The following ZNF331 variants were observed in gnomAD, a reference collection of about 807,000 sequenced individuals.
ZNF331 encodes zinc finger protein 331, also known as C2H2-like zinc finger protein rearranged in thyroid adenomas.
In ZNF331, 2 loss-of-function variants were observed where a neutral mutation model predicts 7.0. That is an observed-to-expected ratio of 0.29 (90% CI 0.12 to 0.90). The LOEUF (loss-of-function observed/expected upper bound fraction) is 0.90. Among genes scored for constraint, ZNF331 ranks in the 40% least tolerant of loss-of-function variants. ZNF331 has a pLI of 0.58. For synonymous variants in ZNF331, 196 were observed against 205.4 expected, an observed-to-expected ratio of 0.95 and a Z score of 0.39; for missense variants, 432 against 587.7, an observed-to-expected ratio of 0.74 and a Z score of 2.74.
At chr19:53,516,574 A>G (rs190582625), upstream of ZNF331, among the ~76,000 whole-genome samples, 1,925 of 152,284 alleles carry the variant, frequency 0.013, 18 homozygotes, top group Non-Finnish European at 0.019. Flanking sequence ...TTGTTCAGAG[A>G]ATGAAAAGAT....
the ZNF331 span, among the ~76,000 whole-genome samples, chr19:53,506,590 G>T: frequency 2.0e-5 from 3 of 151,266 alleles, no homozygotes; most frequent in Non-Finnish European, 4.4e-5. Flanking sequence ...CCATGCCATT[G>T]TATAGTGTAT....
Position 53,571,845 on chromosome 19 carries a change from G to A in ZNF331, c.136+115G>A. 1 of 1,387,624 alleles carries A rather than the reference G, an allele frequency of 7.2e-7. No homozygotes were observed. The highest frequency in any genetic ancestry group is 9.7e-7 in the Non-Finnish European group (1 of 1,027,224). 86.0% of individuals were successfully genotyped at this position (1,387,624 alleles called of 1,614,324 possible). ...TGAATTTCTTCTTCCTGTCCCCAAG[G>A]AATGTATTGAGCCTTATTGATGTGG... On this transcript the variant is annotated intron_variant, in intron 5 of 5. Transcript: ENST00000449416. This position sits in a 1 kb window ranked among gnomAD's most constrained non-coding sequence, Gnocchi z 4.7.
At chr19:53,534,666 CAT>C (rs1463550784), upstream of ZNF331, among the ~76,000 whole-genome samples, 5 of 152,282 alleles carry the variant, frequency 3.3e-5, no homozygotes, top group African/African-American at 9.6e-5. Context: ...TCTGTCATCA[CAT>C]GTTTCTCTTC....
At chr19:53,505,887 G>A in the ZNF331 span, among the ~76,000 whole-genome samples, 3,271 of 151,370 alleles carry the variant, frequency 0.022, 117 homozygotes, top group African/African-American at 0.076. Context: ...CGGGTGGCTG[G>A]GGCAGGAGAA....
chr19:53,550,760 C>T (rs1454037680), intron 2 of ZNF331, among the ~76,000 whole-genome samples: 1 of 151,600 alleles, frequency 6.6e-6, no homozygotes, highest in Non-Finnish European at 1.5e-5. Flanking sequence ...TGGTCTCAAA[C>T]TCCTGACCTC....
At chr19:53,505,114 A>G in the ZNF331 span, among the ~76,000 whole-genome samples, 3 of 152,184 alleles carry the variant, frequency 2.0e-5, no homozygotes, top group Non-Finnish European at 4.4e-5. Context: ...ATAAACTGTA[A>G]GCACACGAGG....
At position 53,560,329 on chromosome 19, in the gene ZNF331, CAT is replaced by C. The variant is rs1391566819; in HGVS notation, c.-74+4427_-74+4428del. On this transcript the variant is annotated intron_variant, in intron 3 of 5. Coordinates refer to ENST00000449416, the MANE Select transcript of ZNF331 (RefSeq NM_001079906.2). This position sits in a 1 kb window ranked among gnomAD's most constrained non-coding sequence, Gnocchi z 4.3. ...CCCACACCATATACACACACATACA[CAT>C]ATATAAACACCATATATATACAGAC... Among the ~76,000 whole-genome samples, 2 of 151,874 alleles carry C rather than the reference CAT, an allele frequency of 1.3e-5. No homozygotes were observed. Among genetic ancestry groups the C allele is most frequent in the Admixed American group, 6.6e-5 (1 of 15,242 alleles).
At chr19:53,518,269 A>C (rs985734112), upstream of ZNF331, among the ~76,000 whole-genome samples, 3 of 151,270 alleles carry the variant, frequency 2.0e-5, no homozygotes, top group Admixed American at 6.6e-5. Context: ...TGGTCTTTGG[A>C]CTCTTAGACT....
intron 2 of ZNF331, among the ~76,000 whole-genome samples, chr19:53,524,758 C>T (rs1384249841): frequency 2.0e-5 from 3 of 152,136 alleles, no homozygotes; most frequent in Admixed American, 6.5e-5. Flanking sequence ...TTCAGAAGCT[C>T]TTTAGTTTAA....
At chr19:53,515,017 GAGA>G (rs1371906308), upstream of ZNF331, among the ~76,000 whole-genome samples, 3 of 152,180 alleles carry the variant, frequency 2.0e-5, no homozygotes, top group Admixed American at 6.5e-5. Context: ...TACATCCTCA[GAGA>G]AGCTTTCCAG....
intron 2 of ZNF331, among the ~76,000 whole-genome samples, chr19:53,543,523 T>C (rs937523406): frequency 6.6e-6 from 1 of 151,968 alleles, no homozygotes; most frequent in African/African-American, 2.4e-5. Context: ...TGCCTTGGCC[T>C]CCCAAAGTGC....
intron 3 of ZNF331, among the ~76,000 whole-genome samples, chr19:53,563,994 T>G (rs1313961065): frequency 1.4e-5 from 2 of 139,004 alleles, no homozygotes; most frequent in African/African-American, 5.5e-5. Context: ...GATCACACCG[T>G]TGCACTCCAG....
At chr19:53,559,033 CAT>C (rs975555368) in intron 3 of ZNF331, among the ~76,000 whole-genome samples, 18 of 151,490 alleles carry the variant, frequency 1.2e-4, no homozygotes, top group African/African-American at 4.4e-4. Flanking sequence ...TATAGAGACA[CAT>C]ATATACACAC....
chr19:53,538,418 T>A (rs1011817514), intron 1 of ZNF331, 122 bp downstream of exon 1: 1 of 152,196 alleles, frequency 6.6e-6, no homozygotes, highest in African/African-American at 2.4e-5. Flanking sequence ...CCGGGGGTGC[T>A]CCAGAGGCTT....
At chr19:53,544,296 A>C (rs111842649) in intron 2 of ZNF331, among the ~76,000 whole-genome samples, 14,300 of 151,384 alleles carry the variant, frequency 0.094, 951 homozygotes, top group Admixed American at 0.17. Flanking sequence ...CTGTAATCCC[A>C]GCACTTTGGG....
chr19:53,542,661 G>A (rs1266190312), intron 2 of ZNF331, among the ~76,000 whole-genome samples: 3 of 152,122 alleles, frequency 2.0e-5, no homozygotes, highest in Admixed American at 2.0e-4. Flanking sequence ...AGTTGCTGAT[G>A]GAAAGGGAAC....
In ZNF331 at chr19:53,560,146, C is replaced by T. The variant is rs1386469293; in HGVS notation, c.-74+4238C>T. On this transcript the variant is annotated intron_variant, in intron 3 of 5. Transcript: ENST00000449416. The surrounding 1 kb of genome is among the most constrained non-coding windows in gnomAD (Gnocchi z 4.3). ...TATACACACACCATATATATACACA[C>T]ATATATACACATCCACACCATATAT... 2.5e-5 allele frequency among the ~76,000 whole-genome samples: 3 copies of T among 120,822 alleles called. No homozygotes were observed. The highest frequency in any genetic ancestry group is 8.3e-5 in the African/African-American group (2 of 24,216). 79.3% of individuals were successfully genotyped at this position (120,822 alleles called of 152,430 possible).
intron 3 of ZNF331, among the ~76,000 whole-genome samples, chr19:53,562,403 A>G (rs116599566): frequency 6.6e-6 from 1 of 151,536 alleles, no homozygotes; most frequent in Non-Finnish European, 1.5e-5. Context: ...AGAACACAAG[A>G]TTCACGCCGG....
rs995553091 is a variant in ZNF331 at position 53,573,247 on chromosome 19, G to A, written c.136+1517G>A. On this transcript the variant is annotated intron_variant, in intron 5 of 5. Coordinates refer to ENST00000449416, the MANE Select transcript of ZNF331 (RefSeq NM_001079906.2). The surrounding 1 kb of genome is among the most constrained non-coding windows in gnomAD (Gnocchi z 4.2). ...AATAATAAAAAATAAGGCCGGGTGC[G>A]GTGGCTCACTCCTGTGATCACAAGA... Among the ~76,000 whole-genome samples the A allele has an allele frequency of 1.3e-5, 2 of 151,688 alleles. No individual in the cohort carries two copies. Among genetic ancestry groups the A allele is most frequent in the African/African-American group, 4.8e-5 (2 of 41,300 alleles).
Sources: allele counts gnomAD v4.1 joint callset (sites outside exome capture counted in the v4.1 genomes callset), GRCh38; gene constraint gnomAD v4.1.1; non-coding constraint Gnocchi (gnomAD v3.1); transcripts MANE v1.5; gene names NCBI Gene and HGNC (gene_info 2026-07-23, HGNC 2026-07-21).